NR2F1-AS1: variants seen among roughly 807,000 people sequenced by gnomAD.
The protein encoded by NR2F1-AS1 is NR2F1 regulatory antisense RNA 1.
At chr5:93,549,744 C>A (rs569000543) in intron 4 of NR2F1-AS1, among the ~76,000 whole-genome samples, 1 of 151,962 alleles carries the variant, frequency 6.6e-6, no homozygotes, top group African/African-American at 2.4e-5. Context: ...CATTAAAGAG[C>A]GCCCATTTTC....
intron 4 of NR2F1-AS1, among the ~76,000 whole-genome samples, chr5:93,441,426 T>G (rs1263524789): frequency 6.6e-6 from 1 of 152,180 alleles, no homozygotes; most frequent in East Asian, 1.9e-4. Context: ...TCAACTGATG[T>G]ACCATGGCAG....
chr5:93,539,277 C>A (rs1161049652), intron 4 of NR2F1-AS1, among the ~76,000 whole-genome samples: 2 of 151,894 alleles, frequency 1.3e-5, no homozygotes, highest in African/African-American at 4.8e-5. Flanking sequence ...GACTCCATAT[C>A]AAAAAAATAT....
At chr5:93,547,242 G>A (rs1752109672) in intron 4 of NR2F1-AS1, among the ~76,000 whole-genome samples, 1 of 152,142 alleles carries the variant, frequency 6.6e-6, no homozygotes, top group Non-Finnish European at 1.5e-5. Flanking sequence ...CAACAAAAGT[G>A]TACATTATTT....
At chr5:93,414,382 G>C (rs1242521678) in intron 4 of NR2F1-AS1, among the ~76,000 whole-genome samples, 2 of 152,138 alleles carry the variant, frequency 1.3e-5, no homozygotes, top group East Asian at 3.8e-4. Flanking sequence ...TGATAGCTAG[G>C]TATGGTTGAT....
intron 4 of NR2F1-AS1, among the ~76,000 whole-genome samples, chr5:93,553,460 A>C (rs1752279079): frequency 1.3e-5 from 2 of 152,206 alleles, no homozygotes; most frequent in African/African-American, 4.8e-5. Flanking sequence ...TATGTATTCA[A>C]ATAAGAGTCA....
At chr5:93,562,494 A>G (rs899037829) in intron 2 of NR2F1-AS1, among the ~76,000 whole-genome samples, 1 of 151,976 alleles carries the variant, frequency 6.6e-6, no homozygotes, top group Non-Finnish European at 1.5e-5. Context: ...GGGTTTCACC[A>G]TGTTGCCCAG....
At chr5:93,463,804 C>T (rs887630526) in intron 4 of NR2F1-AS1, among the ~76,000 whole-genome samples, 25 of 152,160 alleles carry the variant, frequency 1.6e-4, no homozygotes, top group African/African-American at 2.4e-4. Flanking sequence ...CCCTTTGTTT[C>T]GGCCAATTTC....
chr5:93,555,260 T>C (rs1752328264), intron 2 of NR2F1-AS1, among the ~76,000 whole-genome samples: 1 of 152,184 alleles, frequency 6.6e-6, no homozygotes, highest in Non-Finnish European at 1.5e-5. Flanking sequence ...GCTACTATAA[T>C]ACTCTGTAAC....
At chr5:93,536,805 T>A (rs572864438) in intron 4 of NR2F1-AS1, among the ~76,000 whole-genome samples, 1 of 152,318 alleles carries the variant, frequency 6.6e-6, no homozygotes, top group African/African-American at 2.4e-5. Context: ...CCAAATCTCA[T>A]CTTGTAGCTC....
intron 4 of NR2F1-AS1, among the ~76,000 whole-genome samples, chr5:93,526,376 G>A (rs1054836333): frequency 4.6e-5 from 7 of 152,050 alleles, no homozygotes; most frequent in Admixed American, 2.0e-4. Context: ...CAACAAAAGC[G>A]CAGGACCAAA....
In NR2F1-AS1 at chr5:93,503,477, C is replaced by T. The variant is rs548491721; in HGVS notation, n.638+50284G>A. ...AGTAAAACTTCTATAATCCCAAATT[C>T]GAAATAGAAAAGTTTTTTAGAACAA... On this transcript the variant is annotated intron_variant and non_coding_transcript_variant, in intron 4 of 5. Transcript: ENST00000660523. 8.5e-5 allele frequency among the ~76,000 whole-genome samples: 13 copies of T among 152,170 alleles called. No homozygotes were observed. In the South Asian group the frequency reaches 1.2e-3, roughly 15 times the overall value.
intron 4 of NR2F1-AS1, among the ~76,000 whole-genome samples, chr5:93,531,963 A>G (rs1319738791): frequency 6.6e-6 from 1 of 152,210 alleles, no homozygotes; most frequent in African/African-American, 2.4e-5. Context: ...GTAAGACAAG[A>G]AATTTTAAGG....
chr5:93,517,238 C>A (rs1751416116), intron 4 of NR2F1-AS1, among the ~76,000 whole-genome samples: 1 of 151,862 alleles, frequency 6.6e-6, no homozygotes, highest in Admixed American at 6.6e-5. Flanking sequence ...TATACAACTG[C>A]TGATGTATGT....
chr5:93,524,027 A>C (rs1751559927), intron 4 of NR2F1-AS1, among the ~76,000 whole-genome samples: 1 of 152,106 alleles, frequency 6.6e-6, no homozygotes, highest in Non-Finnish European at 1.5e-5. Context: ...ACAGAAGTAG[A>C]CTTCAGAAGG....
chr5:93,481,073 T>C (rs1347128833), intron 4 of NR2F1-AS1, among the ~76,000 whole-genome samples: 2 of 151,994 alleles, frequency 1.3e-5, no homozygotes. Flanking sequence ...ACAGAGATTG[T>C]AGAAAAAATT....
chr5:93,453,372 G>GA (rs947667542), intron 4 of NR2F1-AS1, among the ~76,000 whole-genome samples: 1 of 151,072 alleles, frequency 6.6e-6, no homozygotes, highest in African/African-American at 2.4e-5. Context: ...AAAGGACAAA[G>GA]AAAAAAATAT....
chr5:93,543,669 T>G (rs548369331), intron 4 of NR2F1-AS1: 2 of 152,334 alleles, frequency 1.3e-5, no homozygotes, highest in Admixed American at 6.5e-5. Flanking sequence ...CAAACTCATA[T>G]TTTATCAATG....
At chr5:93,565,149 C>T (rs530961068) in intron 1 of NR2F1-AS1, among the ~76,000 whole-genome samples, 2 of 152,276 alleles carry the variant, frequency 1.3e-5, no homozygotes, top group African/African-American at 2.4e-5. Context: ...TGCCCTGTGA[C>T]TTATTATATA....
At chr5:93,449,914 A>C (rs1489433764) in intron 4 of NR2F1-AS1, among the ~76,000 whole-genome samples, 1 of 152,194 alleles carries the variant, frequency 6.6e-6, no homozygotes, top group East Asian at 1.9e-4. Flanking sequence ...GTTTGACACC[A>C]AAAAGAAATA....
Sources: allele counts gnomAD v4.1 joint callset (sites outside exome capture counted in the v4.1 genomes callset), GRCh38; gene constraint gnomAD v4.1.1; transcripts MANE v1.5; gene names NCBI Gene and HGNC (gene_info 2026-07-23, HGNC 2026-07-21).